The following AP2A2 variants were observed in gnomAD, a reference collection of about 807,000 sequenced individuals.
AP2A2 encodes the protein adaptor related protein complex 2 subunit alpha 2.
A neutral mutation model predicts 104.2 loss-of-function variants in AP2A2; 32 were observed. That is an observed-to-expected ratio of 0.31 (90% CI 0.23 to 0.41). The LOEUF (loss-of-function observed/expected upper bound fraction) is 0.41, where lower values mean the gene tolerates loss of function less well. Among genes scored for constraint, AP2A2 ranks in the 10% least tolerant of loss-of-function variants. The probability of loss-of-function intolerance (pLI) is 1.00; values close to 1 mark genes in which losing one functional copy is unlikely to be tolerated. For missense variants in AP2A2, 912 were observed against 1,261.0 expected (o/e 0.72, Z 4.19); for synonymous variants, 539 against 533.3 (o/e 1.01, Z -0.15).
At chr11:995,499 C>G (rs1026212907) in intron 14 of AP2A2, 1 of 453,272 alleles carries the variant, frequency 2.2e-6, no homozygotes, top group East Asian at 7.0e-5. Context: ...TGGTGGCAAC[C>G]AGTGCTGCTA....
intron 14 of AP2A2, among the ~76,000 whole-genome samples, chr11:997,990 A>G (rs1268831240): frequency 6.6e-6 from 1 of 152,284 alleles, no homozygotes; most frequent in Admixed American, 6.5e-5. Flanking sequence ...TGAGATGCAG[A>G]GGAGAAACTG....
chr11:1,006,372 T>C (rs1856205485), intron 16 of AP2A2, among the ~76,000 whole-genome samples, 156 bp from the exon 17 acceptor site: 1 of 152,226 alleles, frequency 6.6e-6, no homozygotes, highest in African/African-American at 2.4e-5. Context: ...GTTCTAAAAC[T>C]GGAAAAAATT....
At chr11:941,941 A>T (rs10751667) in intron 1 of AP2A2, among the ~76,000 whole-genome samples, 94,457 of 148,856 alleles carry the variant, frequency 0.63, 29,955 homozygotes, top group Middle Eastern at 0.75. Context: ...ATCTATTTAT[A>T]TTTGAGATGG....
chr11:951,605 CCTT>C (rs2134527230), intron 1 of AP2A2, among the ~76,000 whole-genome samples: 1 of 152,246 alleles, frequency 6.6e-6, no homozygotes, highest in East Asian at 1.9e-4. Context: ...GTGCTTTGCT[CCTT>C]ATTTCACACT....
intron 1 of AP2A2, among the ~76,000 whole-genome samples, chr11:945,398 A>T (rs888808634): frequency 4.6e-5 from 7 of 152,208 alleles, no homozygotes; most frequent in Admixed American, 3.9e-4. Context: ...CAGTGGTATG[A>T]TCTCAGCTCA....
At chr11:997,096 G>A (rs1010703230) in intron 14 of AP2A2, among the ~76,000 whole-genome samples, 1 of 152,094 alleles carries the variant, frequency 6.6e-6, no homozygotes, top group Non-Finnish European at 1.5e-5. Context: ...GCCGTGAAGG[G>A]GCCTCAGGGT....
chr11:993,778 G>T lies in AP2A2; in HGVS notation c.1575G>T (p.Leu525=). The change falls in exon 13 of 22, where the codon CTG becomes CTT. Residue 525 remains leucine, a synonymous_variant. Coordinates refer to ENST00000448903, the MANE Select transcript of AP2A2 (RefSeq NM_012305.4). The surrounding 1 kb of genome is among the most constrained non-coding windows in gnomAD (Gnocchi z 8.2). ...GCCCGCTGATCCAGTTCCACCTGCT[G>T]CACTCCAAGTTCCACCTGTGCAGCG... The part of the protein sequence containing the change: ...RSSPLIQFHL[L]HSKFHLCSVP... The T allele has an allele frequency of 6.2e-7, 1 of 1,603,228 alleles. No individual in the cohort carries two copies. The highest frequency in any genetic ancestry group is 8.5e-7 in the Non-Finnish European group (1 of 1,177,514).
chr11:999,622 C>CTT, intron 14 of AP2A2, among the ~76,000 whole-genome samples: 1 of 151,346 alleles, frequency 6.6e-6, no homozygotes, highest in African/African-American at 2.4e-5. Flanking sequence ...GGGCACCATG[C>CTT]CCAGCCAAAA....
intron 10 of AP2A2, among the ~76,000 whole-genome samples, chr11:991,035 G>C (rs951091367): frequency 6.6e-6 from 1 of 151,262 alleles, no homozygotes; most frequent in Non-Finnish European, 1.5e-5. Context: ...TTTCAGCCGG[G>C]CACGATGCTC....
In AP2A2 at chr11:985,451, C is replaced by T; in HGVS notation, c.831C>T (p.Gly277=). ...GCCCAGAAGACCCTGCAGTGCGAGG[C>T]CGCCTGACTGAGTGCCTGGAGACCA... ...CYPPPDPAVR[G]RLTECLETIL... The change falls in exon 8 of 22, where the codon GGC becomes GGT. Residue 277 remains glycine, a synonymous_variant. Coordinates refer to ENST00000448903, the MANE Select transcript of AP2A2 (RefSeq NM_012305.4). 6.2e-7 allele frequency: 1 copy of T among 1,613,922 alleles called. No individual in the cohort carries two copies. Among genetic ancestry groups the T allele is most frequent in the Non-Finnish European group, 8.5e-7 (1 of 1,179,872 alleles).
At chr11:947,994 C>T (rs1253416499) in intron 1 of AP2A2, among the ~76,000 whole-genome samples, 1 of 152,118 alleles carries the variant, frequency 6.6e-6, no homozygotes, top group Non-Finnish European at 1.5e-5. Context: ...AAAAACACAG[C>T]ATTCCAAAAA....
intron 1 of AP2A2, among the ~76,000 whole-genome samples, chr11:948,098 C>G (rs1853913489): frequency 6.6e-6 from 1 of 152,070 alleles, no homozygotes. Context: ...CTGTGTTTCA[C>G]CTTAAGACAC....
chr11:940,525 A>G (rs1213884932), intron 1 of AP2A2, among the ~76,000 whole-genome samples: 1 of 151,748 alleles, frequency 6.6e-6, no homozygotes, highest in Non-Finnish European at 1.5e-5. Context: ...TGCATTTTTA[A>G]TTTCTGCTGT....
At chr11:952,274 G>C (rs79576079) in intron 1 of AP2A2, among the ~76,000 whole-genome samples, 22 of 152,170 alleles carry the variant, frequency 1.4e-4, no homozygotes, top group African/African-American at 5.1e-4. Flanking sequence ...TCTGTCATAG[G>C]CTCCTTTACT....
intron 1 of AP2A2, among the ~76,000 whole-genome samples, chr11:958,990 G>T (rs1235877873): frequency 6.6e-6 from 1 of 152,218 alleles, no homozygotes; most frequent in Non-Finnish European, 1.5e-5. Flanking sequence ...AAAGAAAATT[G>T]AAAGCCTATA....
intron 1 of AP2A2, among the ~76,000 whole-genome samples, chr11:939,368 C>A (rs995503190): frequency 6.6e-6 from 1 of 151,514 alleles, no homozygotes; most frequent in Non-Finnish European, 1.5e-5. Flanking sequence ...TAAAAATTTA[C>A]TTTAAGAATG....
At position 959,468 on chromosome 11, in the gene AP2A2, A is replaced by G. The variant is rs1178007291; in HGVS notation, c.99A>G (p.Ile33Met). Residue 33 changes from isoleucine to methionine, a missense_variant, in exon 2 of 22, where the codon ATA (isoleucine) becomes ATG (methionine). Ile to Met is a conservative substitution (Grantham distance 10, BLOSUM62 1). This residue lies in a region of AP2A2 where 43 missense variants were observed against 47.0 expected (regional missense o/e 0.91). Transcript: ENST00000448903. ...GTAAAGAAGCAGAAATAAAAAGGAT[A>G]AACAAGGAACTGGCAAATATCAGAT... ...CKSKEAEIKR[I>M]NKELANIRSK... The G allele has an allele frequency of 2.6e-6, 4 of 1,559,058 alleles. No individual in the cohort carries two copies. The highest frequency in any genetic ancestry group is 3.5e-6 in the Non-Finnish European group (4 of 1,133,862).
intron 16 of AP2A2, among the ~76,000 whole-genome samples, chr11:1,004,767 C>A (rs1270359956): frequency 2.0e-5 from 3 of 152,166 alleles, no homozygotes; most frequent in Non-Finnish European, 2.9e-5. Context: ...CAGAGCGAGA[C>A]CCTGTCGTTC....
Position 980,989 on chromosome 11 carries a change from C to A in AP2A2, c.604-209C>A, listed in dbSNP as rs186812220. 3.9e-3 allele frequency among the ~76,000 whole-genome samples: 587 copies of A among 152,342 alleles called. 5 individuals carry two copies. Among genetic ancestry groups the A allele is most frequent in the African/African-American group, 0.012 (512 of 41,584 alleles). ...GGGATCTGGGCTAAGCATGACGGAACTTCCCAGTTTTTAAGGAGAAGCTGG... is the reference window on the plus strand; with the variant it reads ...GGGATCTGGGCTAAGCATGACGGAAATTCCCAGTTTTTAAGGAGAAGCTGG... On this transcript the variant is annotated intron_variant, in intron 5 of 21. Transcript: ENST00000448903.
Sources: allele counts gnomAD v4.1 joint callset (sites outside exome capture counted in the v4.1 genomes callset), GRCh38; gene constraint gnomAD v4.1.1; regional missense constraint gnomAD v4.1.1; non-coding constraint Gnocchi (gnomAD v3.1); transcripts MANE v1.5; gene names NCBI Gene and HGNC (gene_info 2026-07-23, HGNC 2026-07-21).